XKR6: variants seen among roughly 807,000 people sequenced by gnomAD.
XKR6 encodes the protein XK related 6.
A neutral mutation model predicts 56.7 loss-of-function variants in XKR6; 22 were observed. That is an observed-to-expected ratio of 0.39 (90% confidence interval 0.28 to 0.55). The LOEUF (loss-of-function observed/expected upper bound fraction) is 0.55. Among genes scored for constraint, XKR6 ranks in the 20% least tolerant of loss-of-function variants. The probability of loss-of-function intolerance (pLI) is 0.66; values close to 1 mark genes in which losing one functional copy is unlikely to be tolerated. For missense variants in XKR6, 852 were observed against 889.0 expected (o/e 0.96, Z 0.53); for synonymous variants, 524 against 387.8 (o/e 1.35, Z -4.13).
chr8:11,049,304 T>C (rs1412361889), intron 1 of XKR6, among the ~76,000 whole-genome samples: 2 of 152,210 alleles, frequency 1.3e-5, no homozygotes, highest in Non-Finnish European at 2.9e-5. Flanking sequence ...AGCCAAAACC[T>C]CTATCTGTTC....
intron 1 of XKR6, among the ~76,000 whole-genome samples, chr8:11,004,048 C>T (rs898074481): frequency 1.3e-5 from 2 of 152,134 alleles, no homozygotes; most frequent in Non-Finnish European, 2.9e-5. Flanking sequence ...AGCAGAGCAG[C>T]GACAGCAGGA....
chr8:11,196,891 A>G (rs1238461862), intron 1 of XKR6, among the ~76,000 whole-genome samples: 1 of 152,242 alleles, frequency 6.6e-6, no homozygotes, highest in Admixed American at 6.5e-5. Context: ...GTATCCCTAC[A>G]TAGAGGAGCA....
intron 1 of XKR6, among the ~76,000 whole-genome samples, chr8:10,962,936 T>G (rs1802106308): frequency 6.6e-6 from 1 of 152,234 alleles, no homozygotes; most frequent in Non-Finnish European, 1.5e-5. Flanking sequence ...TTCATCTGTT[T>G]TTGAAGCTGG....
intron 1 of XKR6, among the ~76,000 whole-genome samples, chr8:11,196,184 G>A (rs1231675503): frequency 2.0e-5 from 3 of 151,976 alleles, no homozygotes; most frequent in Admixed American, 6.6e-5. Context: ...TAGCATTAGA[G>A]GGACATTACA....
chr8:11,124,302 C>T (rs1449235305), intron 1 of XKR6: 3 of 338,030 alleles, frequency 8.9e-6, no homozygotes, highest in Admixed American at 8.0e-5. Flanking sequence ...AAGTTTCTAC[C>T]CTTCATTTCT....
chr8:10,999,688 G>C (rs1798195717), intron 1 of XKR6, among the ~76,000 whole-genome samples: 1 of 152,152 alleles, frequency 6.6e-6, no homozygotes, highest in African/African-American at 2.4e-5. Flanking sequence ...CAAAATAAAA[G>C]TTCCAACAAA....
chr8:11,179,139 G>C (rs1195292538), intron 1 of XKR6, among the ~76,000 whole-genome samples: 2 of 148,542 alleles, frequency 1.3e-5, no homozygotes, highest in East Asian at 4.0e-4. Context: ...TTACAAGCAT[G>C]AGTCATCACA....
chr8:11,180,194 T>C (rs925290207), intron 1 of XKR6, among the ~76,000 whole-genome samples: 2 of 152,042 alleles, frequency 1.3e-5, no homozygotes, highest in African/African-American at 4.8e-5. Flanking sequence ...AAGTGCTTTG[T>C]CTGGGAAAAT....
chr8:11,046,353 T>C (rs894118339), intron 1 of XKR6, among the ~76,000 whole-genome samples: 1 of 152,002 alleles, frequency 6.6e-6, no homozygotes, highest in Non-Finnish European at 1.5e-5. Flanking sequence ...TGAGCCGAGG[T>C]TGTACCACTG....
chr8:11,133,272 A>C (rs1456160943), intron 1 of XKR6, among the ~76,000 whole-genome samples: 1 of 152,150 alleles, frequency 6.6e-6, no homozygotes, highest in Non-Finnish European at 1.5e-5. Flanking sequence ...GATCTACAAA[A>C]ATACGGCGTC....
chr8:11,056,056 G>A (rs1028216197), intron 1 of XKR6, among the ~76,000 whole-genome samples: 2 of 152,074 alleles, frequency 1.3e-5, no homozygotes, highest in Admixed American at 6.5e-5. Flanking sequence ...TCTCACCGGC[G>A]CCCCCTGCTG....
chr8:10,994,918 G>T (rs1249693832), intron 1 of XKR6, among the ~76,000 whole-genome samples: 1 of 152,120 alleles, frequency 6.6e-6, no homozygotes, highest in Non-Finnish European at 1.5e-5. Flanking sequence ...AAGAGAAGAC[G>T]GGGATACACA....
In XKR6 at chr8:10,998,215, TTCCCAAGCAAGC is replaced by T. The variant is rs1444321323; in HGVS notation, c.765-73397_765-73386del. 4.0e-5 allele frequency among the ~76,000 whole-genome samples: 6 copies of T among 151,788 alleles called. No individual in the cohort carries two copies. In the East Asian group the frequency reaches 9.7e-4, roughly 25 times the overall value. On this transcript the variant is annotated intron_variant, in intron 1 of 2. Coordinates refer to ENST00000416569, the MANE Select transcript of XKR6 (RefSeq NM_173683.4). ...GAGACAGCTAGCCTTGCACAAGGCA[TTCCCAAGCAAGC>T]TCCCCAACAATATAAGGAGAAGAAA...
intron 1 of XKR6, among the ~76,000 whole-genome samples, chr8:11,118,438 T>C (rs755772138): frequency 2.0e-5 from 3 of 152,234 alleles, no homozygotes; most frequent in Non-Finnish European, 4.4e-5. Flanking sequence ...CCTCTGGTCC[T>C]GGACTTTTTT....
chr8:11,197,923 A>G (rs2117160447), intron 1 of XKR6, among the ~76,000 whole-genome samples: 1 of 152,348 alleles, frequency 6.6e-6, no homozygotes, highest in South Asian at 2.1e-4. Context: ...ATGTAAAGAG[A>G]CAAGTATTCA....
At chr8:11,050,561 T>G (rs1399668270) in intron 1 of XKR6, among the ~76,000 whole-genome samples, 1 of 131,586 alleles carries the variant, frequency 7.6e-6, no homozygotes, top group Non-Finnish European at 1.6e-5. Flanking sequence ...GAAAGAGCTT[T>G]CATTTTATTT....
At chr8:11,050,994 T>G (rs1344255464) in intron 1 of XKR6, among the ~76,000 whole-genome samples, 1 of 152,146 alleles carries the variant, frequency 6.6e-6, no homozygotes, top group African/African-American at 2.4e-5. Flanking sequence ...TGTTTCGCCT[T>G]GGAGCAGAAC....
intron 1 of XKR6, among the ~76,000 whole-genome samples, chr8:10,928,151 A>G (rs1343619912): frequency 6.6e-6 from 1 of 152,204 alleles, no homozygotes. Context: ...TGGAGGGCCC[A>G]GGTGCCAGAA....
chr8:11,152,655 C>A (rs896630240), intron 1 of XKR6, among the ~76,000 whole-genome samples: 2 of 152,178 alleles, frequency 1.3e-5, no homozygotes, highest in African/African-American at 4.8e-5. Flanking sequence ...CTTTATTTCA[C>A]TCATCTGTTT....
Sources: allele counts gnomAD v4.1 joint callset (sites outside exome capture counted in the v4.1 genomes callset), GRCh38; gene constraint gnomAD v4.1.1; transcripts MANE v1.5; gene names NCBI Gene and HGNC (gene_info 2026-07-23, HGNC 2026-07-21).